The following BRWD1 variants were observed in gnomAD, a reference collection of about 807,000 sequenced individuals.
The protein encoded by BRWD1 is bromodomain and WD repeat-containing protein 1.
BRWD1 carries 82 observed loss-of-function variants against 251.2 expected under a neutral mutation model. The observed-to-expected ratio is 0.33, with a 90% CI of 0.27 to 0.39. The LOEUF is 0.39. BRWD1 is among the 10% of genes least tolerant of loss of function. BRWD1 has a pLI of 1.00. For missense variants in BRWD1, 2,233 were observed against 2,711.6 expected (o/e 0.82, Z 3.92); for synonymous variants, 918 against 902.8 (o/e 1.02, Z -0.30).
chr21:39,247,917 G>A (rs2146601710), intron 20 of BRWD1, 85 bp from the exon 21 acceptor site: 1 of 1,384,100 alleles, frequency 7.2e-7, no homozygotes, highest in Non-Finnish European at 9.5e-7. Context: ...CAAGTTTCCA[G>A]AAGGATTTAA....
downstream of BRWD1, chr21:39,184,196 C>T (rs930645962): frequency 6.6e-6 from 1 of 152,204 alleles, no homozygotes; most frequent in Non-Finnish European, 1.5e-5. Context: ...AAAACGAGAC[C>T]TTTACTCTGG....
Position 39,185,931 on chromosome 21 carries a change from A to C in BRWD1, c.*10328T>G, listed in dbSNP as rs1310934192. 6.6e-6 allele frequency: 1 copy of C among 152,200 alleles called. No individual in the cohort carries two copies. Among genetic ancestry groups the C allele is most frequent in the Non-Finnish European group, 1.5e-5 (1 of 68,012 alleles). 9.4% of individuals were successfully genotyped at this position (152,200 alleles called of 1,614,324 possible). A position where few individuals can be genotyped will look rare whatever the true frequency, so the allele number is the denominator to read the frequency against. ...GCAATTTTAATTTCAACAAATACAT[A>C]TTAACAACAAATTAAATCCTATTGT... On this transcript the variant is annotated 3_prime_UTR_variant, in exon 41 of 41. Coordinates refer to ENST00000342449, the MANE Select transcript of BRWD1 (RefSeq NM_033656.4).
intron 25 of BRWD1, among the ~76,000 whole-genome samples, chr21:39,229,686 A>G (rs1451141415): frequency 6.6e-6 from 1 of 152,220 alleles, no homozygotes; most frequent in Non-Finnish European, 1.5e-5. Context: ...CAAATCTCGG[A>G]TTAGCGCAAT....
chr21:39,227,668 A>G (rs2033435686), intron 27 of BRWD1, among the ~76,000 whole-genome samples: 1 of 152,212 alleles, frequency 6.6e-6, no homozygotes, highest in Non-Finnish European at 1.5e-5. Context: ...AGCAAAGTGT[A>G]TATGAATTTT....
chr21:39,211,110 C>CTTAACCAATTTCAGAAATATTACAAA (rs1204140925), intron 34 of BRWD1, among the ~76,000 whole-genome samples, 181 bp from the exon 35 acceptor site: 2 of 152,152 alleles, frequency 1.3e-5, no homozygotes, highest in Non-Finnish European at 2.9e-5. Context: ...TTTCATATAA[C>CTTAACCAATTTCAGAAATATTACAAA]TTAACCAATT....
chr21:39,195,939 G>T lies in BRWD1; in HGVS notation c.*320C>A. 1 of 1,031,454 alleles carries T rather than the reference G, an allele frequency of 9.7e-7. No individual in the cohort carries two copies. The highest frequency in any genetic ancestry group is 4.3e-5 in the South Asian group (1 of 23,300). 63.9% of individuals were successfully genotyped at this position (1,031,454 alleles called of 1,614,324 possible). On this transcript the variant is annotated 3_prime_UTR_variant, in exon 41 of 41. Coordinates refer to ENST00000342449, the MANE Select transcript of BRWD1 (RefSeq NM_033656.4). ...ATAACTGCATGACACTTGCTGCCAT[G>T]AAAGTAATGCTCATTGGTTTTGATA...
chr21:39,280,005 T>C (rs1355486509), intron 9 of BRWD1, 143 bp downstream of exon 9: 2 of 559,484 alleles, frequency 3.6e-6, no homozygotes, highest in Non-Finnish European at 6.2e-6. Context: ...ATGGCACATA[T>C]GCTGTATATA....
chr21:39,265,993 T>C (rs528477039), intron 15 of BRWD1, among the ~76,000 whole-genome samples: 34 of 152,358 alleles, frequency 2.2e-4, no homozygotes, highest in African/African-American at 7.9e-4. Flanking sequence ...AGTTAGTTAT[T>C]TGGTTAACTC....
chr21:39,189,393 A>C lies in BRWD1; in HGVS notation c.*6866T>G. 2.0e-6 allele frequency: 2 copies of C among 978,646 alleles called. No homozygotes were observed. Among genetic ancestry groups the C allele is most frequent in the Middle Eastern group, 5.3e-4 (1 of 1,904 alleles). 60.6% of individuals were successfully genotyped at this position (978,646 alleles called of 1,614,324 possible). A position where few individuals can be genotyped will look rare whatever the true frequency, so the allele number is the denominator to read the frequency against. ...GTGTGATCAAAGTACCTATACTGAC[A>C]ATTTAGGAACCTAGTAAATACTAAT... is the stretch of plus-strand genomic sequence containing the variant. On this transcript the variant is annotated 3_prime_UTR_variant, in exon 41 of 41. Transcript: ENST00000342449.
chr21:39,201,994 T>TAC (rs1464436687), intron 38 of BRWD1, among the ~76,000 whole-genome samples: 1 of 152,254 alleles, frequency 6.6e-6, no homozygotes, highest in African/African-American at 2.4e-5. Flanking sequence ...TAGAATTTAC[T>TAC]ACGTCATCAG....
intron 12 of BRWD1, among the ~76,000 whole-genome samples, chr21:39,275,272 T>C (rs562660177): frequency 2.0e-5 from 3 of 152,326 alleles, no homozygotes; most frequent in South Asian, 2.1e-4. Flanking sequence ...AGAAGGAGTA[T>C]ATGATTTAAG....
intron 4 of BRWD1, among the ~76,000 whole-genome samples, chr21:39,307,651 T>C (rs1048599020): frequency 5.3e-5 from 8 of 152,338 alleles, no homozygotes; most frequent in South Asian, 4.1e-4. Flanking sequence ...TAGAAGATTA[T>C]AGGCTATGAC....
chr21:39,279,321 A>G (rs2035375179), intron 9 of BRWD1, among the ~76,000 whole-genome samples: 6 of 152,226 alleles, frequency 3.9e-5, no homozygotes, highest in Admixed American at 6.5e-5. Flanking sequence ...AAAATTTCAC[A>G]TACTCGTTAT....
Position 39,188,315 on chromosome 21 carries a change from C to A in BRWD1, c.*7944G>T, listed in dbSNP as rs1280810478. Reference sequence around the variant, plus strand: ...TTGATGGCAGTTTGTTTTGTAGGACCCTGCCTGAAGTTTCCAGACATTTAG... The same window carrying A: ...TTGATGGCAGTTTGTTTTGTAGGACACTGCCTGAAGTTTCCAGACATTTAG... On this transcript the variant is annotated 3_prime_UTR_variant, in exon 41 of 41. Transcript: ENST00000342449. The A allele has an allele frequency of 4.1e-6, 4 of 985,146 alleles. No homozygotes were observed. The highest frequency in any genetic ancestry group is 4.8e-6 in the Non-Finnish European group (4 of 829,906). 61.0% of individuals were successfully genotyped at this position (985,146 alleles called of 1,614,324 possible).
intron 15 of BRWD1, among the ~76,000 whole-genome samples, chr21:39,267,560 C>T (rs2034963802): frequency 6.6e-6 from 1 of 152,192 alleles, no homozygotes; most frequent in Non-Finnish European, 1.5e-5. Flanking sequence ...GACCACACCA[C>T]TGCACTCCAG....
chr21:39,294,008 T>C lies in BRWD1; in HGVS notation c.634A>G (p.Ile212Val). The C allele has an allele frequency of 6.2e-7, 1 of 1,614,128 alleles. No homozygotes were observed. The highest frequency in any genetic ancestry group is 8.5e-7 in the Non-Finnish European group (1 of 1,179,992). The change falls in exon 8 of 41, where the codon ATT (isoleucine) becomes GTT (valine). Residue 212 changes from isoleucine (I) to valine (V), a missense_variant. Ile to Val is a conservative substitution (Grantham distance 29). Around this residue, in one of 12 missense-constraint regions of BRWD1, gnomAD observed 185 missense variants for 260.6 expected, o/e 0.71. Coordinates refer to ENST00000342449, the MANE Select transcript of BRWD1 (RefSeq NM_033656.4). ...FTGSDDCLVK[I>V]WSTHNGRLLS... ...AAGCGGCCATTATGTGTTGACCAAA[T>C]CTTTACCAAACAGTCATCTGAACCC...
At chr21:39,236,868 G>T in intron 22 of BRWD1, 84 bp from the exon 23 acceptor site, 1 of 1,245,918 alleles carries the variant, frequency 8.0e-7, no homozygotes, top group Non-Finnish European at 1.1e-6. Context: ...TGAGGGAACA[G>T]AGAGAGGAGA....
chr21:39,190,551 C>T lies in BRWD1; in HGVS notation c.*5708G>A. 2.0e-6 allele frequency: 2 copies of T among 985,324 alleles called. No individual in the cohort carries two copies. Among genetic ancestry groups the T allele is most frequent in the South Asian group, 9.4e-5 (2 of 21,288 alleles). 61.0% of individuals were successfully genotyped at this position (985,324 alleles called of 1,614,324 possible). A position where few individuals can be genotyped will look rare whatever the true frequency, so the allele number is the denominator to read the frequency against. ...CAAGTTATAAGCTCCCTCAAGCAAG[C>T]CTTTTATCAGAAAAGACTTGAGATA... On this transcript the variant is annotated 3_prime_UTR_variant, in exon 41 of 41. Coordinates refer to ENST00000342449, the MANE Select transcript of BRWD1 (RefSeq NM_033656.4).
Position 39,258,728 on chromosome 21 carries a change from T to C in BRWD1, c.1886-56A>G, listed in dbSNP as rs923565661. The C allele has an allele frequency of 3.9e-6, 5 of 1,285,182 alleles. No individual in the cohort carries two copies. In the East Asian group the frequency reaches 1.1e-4, roughly 28 times the overall value. The allele number at this position is 1,285,182 out of a possible 1,614,324, so 79.6% of individuals were successfully genotyped here. A position where few individuals can be genotyped will look rare whatever the true frequency, so the allele number is the denominator to read the frequency against. On this transcript the variant is annotated intron_variant, in intron 17 of 40. Transcript: ENST00000342449. ...TATAAAAGCAGAAAACAAAAAAAAATTTCGTTAGGGTACAAATTAAAATAC... is the reference window on the plus strand; with the variant it reads ...TATAAAAGCAGAAAACAAAAAAAAACTTCGTTAGGGTACAAATTAAAATAC...
Sources: gnomAD v4.1 joint callset for allele counts (sites outside exome capture counted in the v4.1 genomes callset) on GRCh38, gnomAD v4.1.1 for gene constraint, gnomAD v4.1.1 regional missense constraint, MANE v1.5 for transcripts, NCBI Gene and HGNC (gene_info 2026-07-23, HGNC 2026-07-21) for gene names.